The following ROBO2 variants were observed in gnomAD, a reference collection of about 807,000 sequenced individuals.
ROBO2 encodes roundabout homolog 2.
In ROBO2, 53 loss-of-function variants were observed where a neutral mutation model predicts 160.8. That is an observed-to-expected ratio of 0.33 (90% CI 0.26 to 0.41). The LOEUF is 0.41. Among genes scored for constraint, ROBO2 ranks in the 10% least tolerant of loss-of-function variants. The probability of loss-of-function intolerance (pLI) is 1.00; values close to 1 mark genes in which losing one functional copy is unlikely to be tolerated. For synonymous variants in ROBO2, 664 were observed against 611.7 expected (o/e 1.09, Z -1.26); for missense variants, 1,577 against 1,722.4 (o/e 0.92, Z 1.49).
intron 2 of ROBO2, among the ~76,000 whole-genome samples, chr3:77,034,680 T>C (rs2063523959): frequency 6.6e-6 from 1 of 151,972 alleles, no homozygotes; most frequent in Non-Finnish European, 1.5e-5. Flanking sequence ...CACGGGTATC[T>C]ATAGGACCCA....
chr3:77,113,160 A>G (rs1024493521), intron 2 of ROBO2, among the ~76,000 whole-genome samples: 1 of 152,262 alleles, frequency 6.6e-6, no homozygotes, highest in African/African-American at 2.4e-5. Flanking sequence ...TGCATTTTGT[A>G]GACCAACCCC....
intron 2 of ROBO2, among the ~76,000 whole-genome samples, chr3:77,180,426 A>T (rs1234054210): frequency 3.8e-5 from 4 of 105,800 alleles, no homozygotes; most frequent in Non-Finnish European, 9.2e-5. Flanking sequence ...CTATATATAT[A>T]TATATGTATT....
intron 2 of ROBO2, among the ~76,000 whole-genome samples, chr3:76,508,968 A>T (rs905486057): frequency 2.0e-5 from 3 of 152,162 alleles, no homozygotes; most frequent in Non-Finnish European, 2.9e-5. Flanking sequence ...TATACAATGC[A>T]TATGTAGATA....
At chr3:76,049,401 A>AT (rs1306305555) in intron 2 of ROBO2, among the ~76,000 whole-genome samples, 10 of 63,732 alleles carry the variant, frequency 1.6e-4, no homozygotes, top group East Asian at 1.3e-3. Context: ...ATATATATAT[A>AT]TATTTTTTTT....
chr3:76,244,877 C>A (rs980958865), intron 2 of ROBO2, among the ~76,000 whole-genome samples: 1 of 152,114 alleles, frequency 6.6e-6, no homozygotes, highest in Non-Finnish European at 1.5e-5. Context: ...ACATTTGGAA[C>A]TTTAATAGTC....
chr3:75,979,601 A>G (rs977176141), intron 2 of ROBO2, among the ~76,000 whole-genome samples: 4 of 151,540 alleles, frequency 2.6e-5, no homozygotes, highest in Non-Finnish European at 5.9e-5. Context: ...GATTTAGGAC[A>G]TAACATGCAT....
At chr3:76,763,760 T>C (rs1488313530) in intron 2 of ROBO2, among the ~76,000 whole-genome samples, 1 of 151,650 alleles carries the variant, frequency 6.6e-6, no homozygotes, top group Admixed American at 6.6e-5. Flanking sequence ...TGGAATCGTA[T>C]TCAGTGGACC....
At chr3:77,644,086 A>G (rs1159454016) in intron 24 of ROBO2, among the ~76,000 whole-genome samples, 1 of 150,682 alleles carries the variant, frequency 6.6e-6, no homozygotes, top group East Asian at 2.0e-4. Flanking sequence ...TATTTGTAAC[A>G]TATGTCATGA....
chr3:76,806,214 C>CGTGTGTGTGTGTGT lies in ROBO2; in HGVS notation c.110-291783_110-291770dup, dbSNP rs71104623. 3.0e-3 allele frequency among the ~76,000 whole-genome samples: 444 copies of CGTGTGTGTGTGTGT among 146,272 alleles called. 2 individuals are homozygous for CGTGTGTGTGTGTGT. Among genetic ancestry groups the CGTGTGTGTGTGTGT allele is most frequent in the African/African-American group, 0.01 (400 of 39,744 alleles). On this transcript the variant is annotated intron_variant, in intron 2 of 26. Coordinates refer to the ROBO2 transcript ENST00000487694. The stretch of plus-strand genomic sequence containing the variant: ...AGGGTGTTTGTTTATTTTCTGTGTG[C>CGTGTGTGTGTGTGT]GTGTGTGTGTGTGTGTGTGTGTGTG...
At chr3:76,757,651 CT>C (rs1399562160) in intron 2 of ROBO2, among the ~76,000 whole-genome samples, 3 of 151,638 alleles carry the variant, frequency 2.0e-5, no homozygotes, top group African/African-American at 7.3e-5. Flanking sequence ...TAGAGCGTTG[CT>C]TTGTTAATCA....
chr3:77,192,470 G>A (rs371636010), intron 2 of ROBO2, among the ~76,000 whole-genome samples: 1 of 152,040 alleles, frequency 6.6e-6, no homozygotes, highest in African/African-American at 2.4e-5. Context: ...GGTCATCATT[G>A]GAATGTTAGT....
intron 2 of ROBO2, among the ~76,000 whole-genome samples, chr3:77,253,921 A>T (rs2153311914): frequency 6.6e-6 from 1 of 152,292 alleles, no homozygotes; most frequent in African/African-American, 2.4e-5. Context: ...AATAAAGAAA[A>T]AGGGTATATC....
intron 2 of ROBO2, chr3:77,317,553 T>C: frequency 7.2e-7 from 1 of 1,383,870 alleles, no homozygotes; most frequent in South Asian, 1.2e-5. Flanking sequence ...TAGCCCTTGG[T>C]GAAGACATCC....
At chr3:76,107,105 C>A (rs2069973063) in intron 2 of ROBO2, among the ~76,000 whole-genome samples, 1 of 152,080 alleles carries the variant, frequency 6.6e-6, no homozygotes. Flanking sequence ...CAAAAACATT[C>A]TCATTTGAAG....
At chr3:77,356,420 A>G (rs2153463008) in intron 2 of ROBO2, among the ~76,000 whole-genome samples, 1 of 152,228 alleles carries the variant, frequency 6.6e-6, no homozygotes, top group East Asian at 1.9e-4. Context: ...ATTCAGAGAA[A>G]AACAACTGTA....
intron 2 of ROBO2, among the ~76,000 whole-genome samples, chr3:76,028,854 T>C (rs577921654): frequency 6.6e-6 from 1 of 152,162 alleles, no homozygotes; most frequent in East Asian, 1.9e-4. Flanking sequence ...GCCTGGGTTA[T>C]TTGAATGTGT....
intron 23 of ROBO2, chr3:77,632,540 G>T: frequency 6.5e-7 from 1 of 1,535,866 alleles, no homozygotes; most frequent in Non-Finnish European, 8.7e-7. Flanking sequence ...CATAGATCTA[G>T]TGTAGGTAGC....
intron 2 of ROBO2, among the ~76,000 whole-genome samples, chr3:76,663,630 AAATT>A (rs1417853516): frequency 6.6e-6 from 1 of 152,178 alleles, no homozygotes; most frequent in Admixed American, 6.5e-5. Flanking sequence ...ATGCAGAGAG[AAATT>A]AGTCATTCGT....
At chr3:76,208,392 T>G (rs928066918) in intron 2 of ROBO2, among the ~76,000 whole-genome samples, 1 of 152,328 alleles carries the variant, frequency 6.6e-6, no homozygotes, top group East Asian at 1.9e-4. Context: ...TTCAAATACA[T>G]ATTTATATGC....
Sources: allele counts gnomAD v4.1 joint callset (sites outside exome capture counted in the v4.1 genomes callset), GRCh38; gene constraint gnomAD v4.1.1; transcripts MANE v1.5; gene names NCBI Gene and HGNC (gene_info 2026-07-23, HGNC 2026-07-21).